Variants in LAMA4 observed in about 807,000 individuals in gnomAD.
LAMA4 encodes the protein laminin subunit alpha-4.
LAMA4 carries 127 observed loss-of-function variants against 207.1 expected under a neutral mutation model. That is an observed-to-expected ratio of 0.61 (90% CI 0.53 to 0.71). LAMA4 has a LOEUF of 0.71. Among genes scored for constraint, LAMA4 ranks in the 30% least tolerant of loss-of-function variants. The pLI, the probability that LAMA4 is intolerant of heterozygous loss-of-function variation, is 0.00. For synonymous variants in LAMA4, 761 were observed against 816.0 expected (o/e 0.93, Z 1.15); for missense variants, 2,093 against 2,246.5 (o/e 0.93, Z 1.38).
intron 3 of LAMA4, chr6:112,213,893 C>T (rs1439844051): frequency 3.8e-6 from 2 of 526,148 alleles, no homozygotes; most frequent in South Asian, 3.7e-5. Context: ...TGGTTGCTTA[C>T]AGGAAATGAG....
intron 9 of LAMA4, 22 bp from the exon 10 acceptor site, chr6:112,178,254 G>T (rs200679874): frequency 6.5e-7 from 1 of 1,534,010 alleles, no homozygotes; most frequent in Non-Finnish European, 9.0e-7. Flanking sequence ...CCGTATAAAG[G>T]CTAGATTAAA....
intron 31 of LAMA4, among the ~76,000 whole-genome samples, chr6:112,124,702 A>G (rs1427586194): frequency 6.6e-6 from 1 of 151,860 alleles, no homozygotes; most frequent in Non-Finnish European, 1.5e-5. Context: ...ATAACAGCCA[A>G]GCTAGTTGAG....
intron 29 of LAMA4, among the ~76,000 whole-genome samples, chr6:112,130,356 T>C (rs1778967001): frequency 2.0e-5 from 3 of 149,776 alleles, no homozygotes; most frequent in Non-Finnish European, 3.0e-5. Context: ...GAGCATACCT[T>C]ATGATGATCA....
chr6:112,244,103 A>G (rs1361357109), intron 2 of LAMA4, among the ~76,000 whole-genome samples: 1 of 152,198 alleles, frequency 6.6e-6, no homozygotes, highest in African/African-American at 2.4e-5. Flanking sequence ...GTCCATTAAA[A>G]CAATTGAAAA....
At chr6:112,174,726 T>C (rs1420193230) in intron 11 of LAMA4, among the ~76,000 whole-genome samples, 6 of 152,116 alleles carry the variant, frequency 3.9e-5, no homozygotes, top group Non-Finnish European at 8.8e-5. Flanking sequence ...CTCCTGACCT[T>C]GTGATCCACC....
At chr6:112,178,093 A>G in intron 10 of LAMA4, 28 bp downstream of exon 10, 1 of 1,473,264 alleles carries the variant, frequency 6.8e-7, no homozygotes. Flanking sequence ...CCTTGATATT[A>G]AACTGAACCA....
At chr6:112,115,031 G>A (rs142941840) in intron 36 of LAMA4, among the ~76,000 whole-genome samples, 197 of 152,302 alleles carry the variant, frequency 1.3e-3, no homozygotes, top group African/African-American at 4.7e-3. Context: ...TAAAGATTGA[G>A]TGTGTTATAC....
intron 2 of LAMA4, chr6:112,253,641 G>C: frequency 8.9e-7 from 1 of 1,127,134 alleles, no homozygotes. Flanking sequence ...ACTGGGACAC[G>C]CAAGTGGCAG....
intron 2 of LAMA4, among the ~76,000 whole-genome samples, chr6:112,231,170 T>C (rs80110510): frequency 0.015 from 2,355 of 152,324 alleles, 70 homozygotes; most frequent in African/African-American, 0.055. Flanking sequence ...AAGAGTCTCA[T>C]AGAAGATATC....
chr6:112,232,197 C>T (rs374718608), intron 2 of LAMA4, among the ~76,000 whole-genome samples: 3 of 152,248 alleles, frequency 2.0e-5, no homozygotes, highest in East Asian at 3.9e-4. Flanking sequence ...CAACTGCTTA[C>T]AGAAAGCAAG....
In LAMA4 at chr6:112,150,496, C is replaced by T; in HGVS notation, c.2173+15G>A. ...TGAATCAACAGATGAGACTTCAATTCTCTCTGATGCTTACCTCTCTCTGCT... is the reference window on the plus strand; with the variant it reads ...TGAATCAACAGATGAGACTTCAATTTTCTCTGATGCTTACCTCTCTCTGCT... On this transcript the variant is annotated intron_variant, in intron 17 of 38. Transcript: ENST00000230538. 1 of 1,503,498 alleles carries T rather than the reference C, an allele frequency of 6.7e-7. No individual in the cohort carries two copies. Among genetic ancestry groups the T allele is most frequent in the Non-Finnish European group, 9.3e-7 (1 of 1,078,992 alleles). The allele number at this position is 1,503,498 out of a possible 1,614,324, so 93.1% of individuals were successfully genotyped here.
intron 17 of LAMA4, among the ~76,000 whole-genome samples, chr6:112,150,249 A>C (rs1554335448): frequency 6.6e-6 from 1 of 151,786 alleles, no homozygotes. Context: ...ACACACAGAC[A>C]CACACACACA....
At chr6:112,166,881 T>A (rs1348410919) in intron 12 of LAMA4, among the ~76,000 whole-genome samples, 1 of 152,062 alleles carries the variant, frequency 6.6e-6, no homozygotes, top group Non-Finnish European at 1.5e-5. Context: ...TAGAAAAAGT[T>A]CCACGGTCAA....
intron 3 of LAMA4, among the ~76,000 whole-genome samples, chr6:112,212,090 G>A (rs1562738796): frequency 1.3e-5 from 2 of 152,062 alleles, no homozygotes; most frequent in Admixed American, 6.6e-5. Context: ...AAAGGAGGTC[G>A]ATGGAGCATG....
chr6:112,144,972 CAA>C, intron 18 of LAMA4, 39 bp from the exon 19 acceptor site: 2 of 1,524,238 alleles, frequency 1.3e-6, no homozygotes, highest in African/African-American at 1.4e-5. Context: ...GAAAATAACT[CAA>C]TATTATATTT....
intron 2 of LAMA4, chr6:112,236,701 T>A (rs1449416268): frequency 1.3e-5 from 2 of 152,240 alleles, no homozygotes; most frequent in Non-Finnish European, 2.9e-5. Flanking sequence ...CATGACACTA[T>A]GAAATGCTTA....
intron 9 of LAMA4, among the ~76,000 whole-genome samples, chr6:112,181,387 T>TGTTTGGGAAG (rs1355775934): frequency 6.6e-6 from 1 of 152,158 alleles, no homozygotes; most frequent in Non-Finnish European, 1.5e-5. Context: ...TTCACGAGCG[T>TGTTTGGGAAG]GTTTGGGAAG....
chr6:112,192,613 A>G (rs1349906993), intron 5 of LAMA4, among the ~76,000 whole-genome samples: 3 of 152,248 alleles, frequency 2.0e-5, no homozygotes, highest in African/African-American at 7.2e-5. Flanking sequence ...GGGCAGAGCC[A>G]GTGCCTATGG....
chr6:112,132,915 A>T, intron 27 of LAMA4, 25 bp from the exon 28 acceptor site: 1 of 1,610,402 alleles, frequency 6.2e-7, no homozygotes, highest in Non-Finnish European at 8.5e-7. Context: ...AAGTGGAGAT[A>T]GTGTTTTTGA....
Sources: gnomAD v4.1 joint callset for allele counts (sites outside exome capture counted in the v4.1 genomes callset) on GRCh38, gnomAD v4.1.1 for gene constraint, MANE v1.5 for transcripts, NCBI Gene and HGNC (gene_info 2026-07-23, HGNC 2026-07-21) for gene names.